Variants in SRBD1 observed in about 807,000 individuals in gnomAD.
SRBD1 encodes S1 RNA binding domain 1, also known as S1 RNA-binding domain-containing protein 1.
SRBD1 carries 88 observed loss-of-function variants against 115.3 expected under a neutral mutation model. The observed-to-expected ratio is 0.76, with a 90% CI of 0.64 to 0.91. The LOEUF is 0.91. SRBD1 is among the 40% of genes least tolerant of loss of function. SRBD1 has a pLI of 0.00. For synonymous variants in SRBD1, 509 were observed against 407.7 expected, an observed-to-expected ratio of 1.25 and a Z score of -2.99; for missense variants, 1,385 against 1,177.4, an observed-to-expected ratio of 1.18 and a Z score of -2.58.
At chr2:45,565,040 G>C (rs1051032169) in intron 9 of SRBD1, among the ~76,000 whole-genome samples, 1 of 152,166 alleles carries the variant, frequency 6.6e-6, no homozygotes, top group Non-Finnish European at 1.5e-5. Flanking sequence ...GCCTAATATT[G>C]CTAAGATGGC....
intron 16 of SRBD1, among the ~76,000 whole-genome samples, chr2:45,464,846 T>C (rs17033707): frequency 0.048 from 7,285 of 152,216 alleles, 327 homozygotes; most frequent in East Asian, 0.14. Flanking sequence ...AAAAGTAAGT[T>C]GTATGCCAAA....
At chr2:45,477,769 A>G (rs1211676671) in intron 15 of SRBD1, among the ~76,000 whole-genome samples, 2 of 152,162 alleles carry the variant, frequency 1.3e-5, no homozygotes, top group Non-Finnish European at 2.9e-5. Flanking sequence ...GAATATACTC[A>G]TGTGGCCTTG....
chr2:45,545,282 TTAAAAAAAA>T, intron 14 of SRBD1, among the ~76,000 whole-genome samples: 1 of 26,778 alleles, frequency 3.7e-5, no homozygotes, highest in Non-Finnish European at 5.5e-5. Context: ...TCTGTCTCAA[TTAAAAAAAA>T]AAAAAAAAAA....
In SRBD1 at chr2:45,547,025, T is replaced by A. The variant is rs1224408257; in HGVS notation, c.1767-186A>T. Among the ~76,000 whole-genome samples the A allele has an allele frequency of 2.6e-5, 4 of 152,196 alleles. No homozygotes were observed. The East Asian group carries it at 5.8e-4, about 22-fold the overall frequency. ...ATGGAATAAAAGACACTGCCCTGCA[T>A]TTGGTATAGGAGGCAGCAGAGAAGT... On this transcript the variant is annotated intron_variant, in intron 13 of 20. Transcript: ENST00000263736.
At chr2:45,600,552 G>A (rs775740233) in intron 3 of SRBD1, among the ~76,000 whole-genome samples, 1 of 152,134 alleles carries the variant, frequency 6.6e-6, no homozygotes, top group Non-Finnish European at 1.5e-5. Context: ...AAGAGTAGAG[G>A]ATAGAACACA....
chr2:45,574,915 C>A (rs925819104), intron 7 of SRBD1, among the ~76,000 whole-genome samples, 192 bp from the exon 8 acceptor site: 1 of 152,092 alleles, frequency 6.6e-6, no homozygotes, highest in African/African-American at 2.4e-5. Context: ...AGCAATAATA[C>A]AGACATAATA....
chr2:45,521,286 A>AACACACACAC (rs71394840), intron 14 of SRBD1, among the ~76,000 whole-genome samples: 1,843 of 146,374 alleles, frequency 0.013, 19 homozygotes, highest in East Asian at 0.035. Context: ...CAAAAAGGAA[A>AACACACACAC]ACACACACAC....
intron 10 of SRBD1, among the ~76,000 whole-genome samples, 163 bp downstream of exon 10, chr2:45,562,490 C>T (rs780857043): frequency 6.6e-5 from 10 of 152,176 alleles, no homozygotes; most frequent in African/African-American, 1.7e-4. Flanking sequence ...CCTCAGCCTC[C>T]GAAAGTGCTG....
chr2:45,598,433 T>G (rs1394534115), intron 4 of SRBD1, among the ~76,000 whole-genome samples: 1 of 151,744 alleles, frequency 6.6e-6, no homozygotes, highest in Non-Finnish European at 1.5e-5. Context: ...GCTAACACGG[T>G]GAAACCCTGT....
intron 10 of SRBD1, among the ~76,000 whole-genome samples, chr2:45,561,913 T>G (rs1672674813): frequency 6.6e-6 from 1 of 152,186 alleles, no homozygotes; most frequent in African/African-American, 2.4e-5. Context: ...TTATTTATAT[T>G]GTAATATCCA....
intron 9 of SRBD1, among the ~76,000 whole-genome samples, chr2:45,562,963 A>C (rs532646051): frequency 3.6e-4 from 55 of 152,346 alleles, no homozygotes; most frequent in African/African-American, 1.2e-3. Flanking sequence ...TAAAATGCAG[A>C]TACAAAGCCT....
chr2:45,404,644 T>C (rs996399757), intron 19 of SRBD1, among the ~76,000 whole-genome samples: 3 of 152,196 alleles, frequency 2.0e-5, no homozygotes, highest in Non-Finnish European at 4.4e-5. Flanking sequence ...ATCATCTTTC[T>C]CTTGGATTAC....
chr2:45,521,692 G>T (rs997517611), intron 14 of SRBD1, among the ~76,000 whole-genome samples: 1 of 151,974 alleles, frequency 6.6e-6, no homozygotes, highest in African/African-American at 2.4e-5. Flanking sequence ...TATCCAAAAG[G>T]ATTGAAAGCA....
Position 45,599,528 on chromosome 2 carries a change from G to A in SRBD1, c.569C>T (p.Pro190Leu). The change falls in exon 4 of 21, where the codon CCT (proline) becomes CTT (leucine). Residue 190 changes from proline to leucine, a missense_variant. Transcript: ENST00000263736. Reference protein sequence around the residue: ...ALKKIKTETYPQGQPVKFPAN... With the variant: ...ALKKIKTETYLQGQPVKFPAN... ...TGGAAACTTGACAGGCTGCCCCTGA[G>A]GATATGTCTCAGTCTTGATTTTCTT... The A allele has an allele frequency of 6.2e-7, 1 of 1,614,216 alleles. No individual in the cohort carries two copies. Among genetic ancestry groups the A allele is most frequent in the Non-Finnish European group, 8.5e-7 (1 of 1,180,050 alleles).
intron 4 of SRBD1, among the ~76,000 whole-genome samples, chr2:45,589,839 T>TA (rs1238009046): frequency 1.3e-5 from 2 of 152,000 alleles, no homozygotes; most frequent in Non-Finnish European, 2.9e-5. Flanking sequence ...AATCAAGATG[T>TA]AAAAAAAATC....
chr2:45,447,846 C>T (rs1668874458), intron 16 of SRBD1: 1 of 152,090 alleles, frequency 6.6e-6, no homozygotes, highest in African/African-American at 2.4e-5. Flanking sequence ...GTGTACCATT[C>T]CTTGGGGCAG....
intron 14 of SRBD1, among the ~76,000 whole-genome samples, chr2:45,538,918 A>G (rs1671847012): frequency 1.3e-5 from 2 of 152,208 alleles, no homozygotes; most frequent in African/African-American, 4.8e-5. Context: ...CCTTTAAAAA[A>G]AAAGAATATT....
At position 45,607,379 on chromosome 2, in the gene SRBD1, T is replaced by C. The variant is rs147403457; in HGVS notation, c.1-1938A>G. Among the ~76,000 whole-genome samples the C allele has an allele frequency of 1.6e-4, 24 of 152,200 alleles. 1 individual carries two copies. The East Asian group carries it at 4.4e-3, about 28-fold the overall frequency. ...AGTTTAATTCCTACCTCCACACCAT[T>C]AACAAAAATTTATTCCCCAATAACT... On this transcript the variant is annotated intron_variant, in intron 1 of 20. Coordinates refer to ENST00000263736, the MANE Select transcript of SRBD1 (RefSeq NM_018079.5).
At chr2:45,488,203 A>T (rs1670178333) in intron 15 of SRBD1, 37 bp downstream of exon 15, 1 of 1,572,022 alleles carries the variant, frequency 6.4e-7, no homozygotes, top group African/African-American at 1.4e-5. Flanking sequence ...CAAAATATCA[A>T]AATCACATGT....
Sources: gnomAD v4.1 joint callset for allele counts (sites outside exome capture counted in the v4.1 genomes callset) on GRCh38, gnomAD v4.1.1 for gene constraint, MANE v1.5 for transcripts, NCBI Gene and HGNC (gene_info 2026-07-23, HGNC 2026-07-21) for gene names.